Variants in CHMP2B observed in about 807,000 individuals in gnomAD.
The protein encoded by CHMP2B is charged multivesicular body protein 2B, also known as VPS2 homolog B.
A neutral mutation model predicts 29.8 loss-of-function variants in CHMP2B; 22 were observed. The observed-to-expected ratio is 0.74, with a 90% CI of 0.53 to 1.05. CHMP2B has a LOEUF of 1.05. Among genes scored for constraint, CHMP2B ranks in the 50% least tolerant of loss-of-function variants. The pLI, the probability that CHMP2B is intolerant of heterozygous loss-of-function variation, is 0.00. For synonymous variants in CHMP2B, 78 were observed against 75.8 expected (o/e 1.03, Z -0.15); for missense variants, 261 against 252.2 (o/e 1.03, Z -0.24).
rs184788931 is a variant in CHMP2B at position 87,235,161 on chromosome 3, A to T, written c.35-5538A>T. ...ATATGTATTCCCTTCTCTTAAAGAGATTGTAATCTTGGGATGGAATCATAC... is the reference window on the plus strand; with the variant it reads ...ATATGTATTCCCTTCTCTTAAAGAGTTTGTAATCTTGGGATGGAATCATAC... On this transcript the variant is annotated intron_variant, in intron 1 of 5. Coordinates refer to ENST00000263780, the MANE Select transcript of CHMP2B (RefSeq NM_014043.4). Among the ~76,000 whole-genome samples the T allele has an allele frequency of 4.0e-4, 61 of 152,330 alleles. No homozygotes were observed. In the East Asian group the frequency reaches 6.4e-3, roughly 16 times the overall value.
intron 1 of CHMP2B, among the ~76,000 whole-genome samples, chr3:87,234,265 G>T (rs573075496): frequency 6.6e-6 from 1 of 152,174 alleles, no homozygotes; most frequent in African/African-American, 2.4e-5. Flanking sequence ...GGACCACATG[G>T]GAGACCTTTT....
intron 1 of CHMP2B, among the ~76,000 whole-genome samples, chr3:87,233,369 C>T (rs1705939780): frequency 6.6e-6 from 1 of 152,224 alleles, no homozygotes; most frequent in South Asian, 2.1e-4. Context: ...AAATCTTGTT[C>T]CTAGAACCGG....
chr3:87,238,032 G>A (rs548377779), intron 1 of CHMP2B, among the ~76,000 whole-genome samples: 17 of 152,288 alleles, frequency 1.1e-4, no homozygotes, highest in African/African-American at 3.6e-4. Flanking sequence ...AAGGAGATAC[G>A]ATAGATGTCT....
intron 1 of CHMP2B, among the ~76,000 whole-genome samples, chr3:87,227,820 T>C (rs1380950012): frequency 6.6e-6 from 1 of 152,228 alleles, no homozygotes; most frequent in East Asian, 1.9e-4. Flanking sequence ...TCCTGAGCGT[T>C]TCGAGGAGGC....
At position 87,231,705 on chromosome 3, in the gene CHMP2B, A is replaced by G. The variant is rs929571620; in HGVS notation, c.34+4149A>G. Among the ~76,000 whole-genome samples, 4 of 152,008 alleles carry G rather than the reference A, an allele frequency of 2.6e-5. No homozygotes were observed. The East Asian group carries it at 5.8e-4, about 22-fold the overall frequency. On this transcript the variant is annotated intron_variant, in intron 1 of 5. Coordinates refer to ENST00000263780, the MANE Select transcript of CHMP2B (RefSeq NM_014043.4). ...ATCCAGCAGCACTGTTCTTCTGTTC[A>G]TTGTTATCTCCCATACTCTTTCTCA...
intron 1 of CHMP2B, among the ~76,000 whole-genome samples, chr3:87,239,985 CAG>C (rs1022095033): frequency 1.3e-5 from 2 of 152,046 alleles, no homozygotes; most frequent in African/African-American, 4.8e-5. Flanking sequence ...GAAAACCAAA[CAG>C]ATTTAATAAA....
chr3:87,234,546 T>C (rs947139239), intron 1 of CHMP2B, among the ~76,000 whole-genome samples: 11 of 152,056 alleles, frequency 7.2e-5, no homozygotes, highest in Admixed American at 6.6e-4. Context: ...AAGAGGGTGG[T>C]GGATGAATCA....
intron 1 of CHMP2B, among the ~76,000 whole-genome samples, chr3:87,231,175 T>C (rs1280366219): frequency 1.3e-5 from 2 of 152,070 alleles, no homozygotes; most frequent in Non-Finnish European, 2.9e-5. Context: ...TGTTTTTGAG[T>C]TTCAGGCCAG....
rs148750997 is a variant in CHMP2B at position 87,245,779 on chromosome 3, A to T, written c.192A>T (p.Gln64His). ...AAGCTTGCAAAGTTTTAGCCAAACAACTTGTGCATCTACGGAAACAGAAGA... is the reference window on the plus strand; with the variant it reads ...AAGCTTGCAAAGTTTTAGCCAAACATCTTGTGCATCTACGGAAACAGAAGA... ...NKEACKVLAK[Q>H]LVHLRKQKTR... The change falls in exon 3 of 6, where the codon CAA becomes CAT. Residue 64 changes from glutamine to histidine, a missense_variant. Transcript: ENST00000263780. The T allele has an allele frequency of 1.2e-6, 2 of 1,613,816 alleles. No homozygotes were observed. The highest frequency in any genetic ancestry group is 1.7e-6 in the Non-Finnish European group (2 of 1,179,934).
At chr3:87,245,403 T>C (rs1480050557) in intron 2 of CHMP2B, among the ~76,000 whole-genome samples, 7 of 152,074 alleles carry the variant, frequency 4.6e-5, no homozygotes, top group Non-Finnish European at 8.8e-5. Flanking sequence ...TTTTTTCCTT[T>C]TCTCTTACCT....
intron 1 of CHMP2B, among the ~76,000 whole-genome samples, chr3:87,228,930 G>A (rs1371666715): frequency 6.6e-6 from 1 of 151,866 alleles, no homozygotes; most frequent in Admixed American, 6.6e-5. Context: ...AGTACTCCAG[G>A]GAGTGGGGGT....
chr3:87,241,481 T>A (rs1706118489), intron 2 of CHMP2B, among the ~76,000 whole-genome samples: 2 of 152,182 alleles, frequency 1.3e-5, no homozygotes, highest in African/African-American at 4.8e-5. Flanking sequence ...GTCTCCCTTT[T>A]TCCTGGTGAA....
At chr3:87,232,866 A>G (rs1004559786) in intron 1 of CHMP2B, among the ~76,000 whole-genome samples, 19 of 152,172 alleles carry the variant, frequency 1.2e-4, no homozygotes, top group Non-Finnish European at 1.5e-4. Flanking sequence ...GTCTACTGAC[A>G]TGTGCCCATC....
rs548180396 is a variant in CHMP2B at position 87,245,576 on chromosome 3, A to G, written c.127-138A>G. 3 of 716,018 alleles carry G rather than the reference A, an allele frequency of 4.2e-6. No individual in the cohort carries two copies. The East Asian group carries it at 8.2e-5, about 20-fold the overall frequency. The allele number at this position is 716,018 out of a possible 1,614,324, so 44.4% of individuals were successfully genotyped here. The stretch of plus-strand genomic sequence containing the variant: ...TCTTAGATTTCTCTTTTGCTCTATG[A>G]CTTTATAATAGCTTCTTCCCCTCTT... On this transcript the variant is annotated intron_variant, in intron 2 of 5. Transcript: ENST00000263780.
chr3:87,254,892 GATAA>G lies in CHMP2B; in HGVS notation c.*1076_*1079del, dbSNP rs1362159484. The stretch of plus-strand genomic sequence containing the variant: ...TCTAAAATAAAAATTCACATTTTTT[GATAA>G]ATAAACTACAGTTTTACCAGAAATT... On this transcript the variant is annotated 3_prime_UTR_variant, in exon 6 of 6. Transcript: ENST00000263780. 1.3e-5 allele frequency: 2 copies of G among 151,824 alleles called. No individual in the cohort carries two copies. The highest frequency in any genetic ancestry group is 2.9e-5 in the Non-Finnish European group (2 of 67,862). The allele number at this position is 151,824 out of a possible 1,614,324, so 9.4% of individuals were successfully genotyped here.
chr3:87,240,230 T>G (rs529377534), intron 1 of CHMP2B: 1 of 154,274 alleles, frequency 6.5e-6, no homozygotes, highest in African/African-American at 2.4e-5. Flanking sequence ...ATAATTCAGG[T>G]TTTAATATTT....
At chr3:87,230,167 C>T (rs1223695951) in intron 1 of CHMP2B, among the ~76,000 whole-genome samples, 3 of 152,190 alleles carry the variant, frequency 2.0e-5, no homozygotes, top group Middle Eastern at 3.4e-3. Context: ...AAATCAGGAT[C>T]CCACTAGGAC....
intron 1 of CHMP2B, among the ~76,000 whole-genome samples, chr3:87,227,833 G>A (rs141482956): frequency 2.0e-5 from 3 of 152,294 alleles, no homozygotes; most frequent in African/African-American, 4.8e-5. Flanking sequence ...GAGGAGGCTA[G>A]CTGGCCCTTG....
chr3:87,241,865 T>A (rs1401987561), intron 2 of CHMP2B, among the ~76,000 whole-genome samples: 1 of 152,126 alleles, frequency 6.6e-6, no homozygotes, highest in Non-Finnish European at 1.5e-5. Context: ...GTTTAACTGC[T>A]AAAAAATTAA....
Sources: gnomAD v4.1 joint callset for allele counts (sites outside exome capture counted in the v4.1 genomes callset) on GRCh38, gnomAD v4.1.1 for gene constraint, MANE v1.5 for transcripts, NCBI Gene and HGNC (gene_info 2026-07-23, HGNC 2026-07-21) for gene names.